NHSL1: variants seen among roughly 807,000 people sequenced by gnomAD.
NHSL1 encodes the protein NHS like 1.
In NHSL1, 48 loss-of-function variants were observed where a neutral mutation model predicts 95.0. The ratio of observed to expected loss-of-function variants is 0.51; its 90% confidence interval spans 0.40 to 0.64. The LOEUF (loss-of-function observed/expected upper bound fraction) is 0.64. Ranked by LOEUF, NHSL1 falls within the 30% of genes least tolerant of loss-of-function variation. NHSL1 has a pLI of 0.00. For synonymous variants in NHSL1, 783 were observed against 833.9 expected, an observed-to-expected ratio of 0.94 and a Z score of 1.05; for missense variants, 1,971 against 2,077.7, an observed-to-expected ratio of 0.95 and a Z score of 1.00.
At chr6:138,534,839 G>C (rs1782273340) in intron 1 of NHSL1, among the ~76,000 whole-genome samples, 1 of 152,124 alleles carries the variant, frequency 6.6e-6, no homozygotes, top group Admixed American at 6.6e-5. Context: ...ATACCTTCTT[G>C]GAGCATCAAA....
At chr6:138,573,948 C>A (rs535570035), upstream of NHSL1, among the ~76,000 whole-genome samples, 39 of 151,944 alleles carry the variant, frequency 2.6e-4, no homozygotes, top group African/African-American at 8.4e-4. Flanking sequence ...ATTTTATTTT[C>A]TTTTTTTTGA....
intron 1 of NHSL1, among the ~76,000 whole-genome samples, chr6:138,561,639 T>C (rs1035884230): frequency 7.2e-5 from 11 of 152,184 alleles, no homozygotes; most frequent in Non-Finnish European, 5.9e-5. Context: ...ATCAAGTGTA[T>C]GCAGCACTAG....
At position 138,432,885 on chromosome 6, in the gene NHSL1, G is replaced by C; in HGVS notation, c.1460C>G (p.Ser487Cys). 1.3e-6 allele frequency: 2 copies of C among 1,551,650 alleles called. No individual in the cohort carries two copies. The highest frequency in any genetic ancestry group is 8.7e-7 in the Non-Finnish European group (1 of 1,146,926). Residue 487 changes from serine (S) to cysteine (C), a missense_variant, in exon 6 of 8, where the codon TCC becomes TGC. Physicochemically the swap from Ser to Cys is moderately radical, Grantham distance 112. This residue lies in a region of NHSL1 where 1,602 missense variants were observed against 1,654.5 expected (regional missense o/e 0.97). Coordinates refer to ENST00000343505, the MANE Select transcript of NHSL1 (RefSeq NM_001144060.2). The surrounding 1 kb of genome is among the most constrained non-coding windows in gnomAD (Gnocchi z 4.4). ...TILSQDLDPH[S>C]PGEPALLSLC... ...GGACAACAGTGCGGGTTCACCAGGG[G>C]AATGAGGGTCTAAGTCCTGTGAAAG...
chr6:138,491,284 TG>T (rs1254471104), intron 2 of NHSL1, among the ~76,000 whole-genome samples: 3 of 152,216 alleles, frequency 2.0e-5, no homozygotes, highest in Non-Finnish European at 4.4e-5. Flanking sequence ...TTAAACATAC[TG>T]TGAGAAATTA....
chr6:138,540,047 C>T (rs1464576330), intron 1 of NHSL1, among the ~76,000 whole-genome samples: 1 of 152,158 alleles, frequency 6.6e-6, no homozygotes, highest in East Asian at 1.9e-4. Context: ...GCTTTCCCCA[C>T]CAGTTTGAAA....
chr6:138,503,060 C>T (rs536398822), upstream of NHSL1, among the ~76,000 whole-genome samples: 1 of 152,330 alleles, frequency 6.6e-6, no homozygotes, highest in South Asian at 2.1e-4. Flanking sequence ...TTTATATCCA[C>T]ATACTATCTT....
chr6:138,579,556 G>T (rs757083513), intron 1 of NHSL1, among the ~76,000 whole-genome samples: 3 of 152,164 alleles, frequency 2.0e-5, no homozygotes, highest in Non-Finnish European at 2.9e-5. Flanking sequence ...CATTTATTAG[G>T]ACATCTTCAC....
intron 2 of NHSL1, 31 bp from the exon 3 acceptor site, chr6:138,473,464 G>T: frequency 1.4e-6 from 2 of 1,383,706 alleles, no homozygotes; most frequent in South Asian, 1.8e-5. Context: ...AGGGGAAGGA[G>T]GCCATTAAAA....
At chr6:138,598,948 T>G (rs1784337054) in intron 1 of NHSL1, among the ~76,000 whole-genome samples, 1 of 152,204 alleles carries the variant, frequency 6.6e-6, no homozygotes. Context: ...AACATTAGAC[T>G]GCAAAAAGTG....
intron 3 of NHSL1, among the ~76,000 whole-genome samples, chr6:138,451,536 G>T (rs1263483180): frequency 6.6e-6 from 1 of 152,146 alleles, no homozygotes; most frequent in Non-Finnish European, 1.5e-5. Context: ...TGCATAGAAG[G>T]TTATTTCAGA....
intron 3 of NHSL1, among the ~76,000 whole-genome samples, chr6:138,463,187 T>C (rs1384833621): frequency 6.6e-6 from 1 of 152,162 alleles, no homozygotes; most frequent in Admixed American, 6.5e-5. Context: ...CAAGGGCCTA[T>C]TGTCTTGTCT....
chr6:138,471,579 C>T (rs965994610), intron 3 of NHSL1, among the ~76,000 whole-genome samples: 5 of 152,116 alleles, frequency 3.3e-5, no homozygotes, highest in East Asian at 1.9e-4. Context: ...ATAGGAAAAA[C>T]ATTCTGTGAT....
intron 2 of NHSL1, among the ~76,000 whole-genome samples, chr6:138,489,355 TG>T (rs1779895848): frequency 6.6e-6 from 1 of 152,122 alleles, no homozygotes; most frequent in Admixed American, 6.6e-5. Context: ...AAGATCAAAA[TG>T]TTGAAGAAAC....
chr6:138,558,120 T>A (rs1783262486), intron 1 of NHSL1, among the ~76,000 whole-genome samples: 1 of 152,040 alleles, frequency 6.6e-6, no homozygotes, highest in African/African-American at 2.4e-5. Flanking sequence ...TTACCAGGGT[T>A]TTTTGGGGGG....
At chr6:138,457,646 G>A (rs916896267) in intron 3 of NHSL1, among the ~76,000 whole-genome samples, 29 of 152,166 alleles carry the variant, frequency 1.9e-4, no homozygotes, top group Admixed American at 5.2e-4. Context: ...TATAGTCACT[G>A]CTCTTTGTAA....
chr6:138,640,290 G>T (rs574297860), intron 1 of NHSL1, among the ~76,000 whole-genome samples: 8 of 152,046 alleles, frequency 5.3e-5, no homozygotes, highest in Admixed American at 2.6e-4. Context: ...TGAGTTTTAG[G>T]CTAGGGCAAA....
rs977763816 is a variant in NHSL1 at position 138,692,004 on chromosome 6, A to G, written c.96+472T>C. On this transcript the variant is annotated intron_variant, in intron 1 of 3. Coordinates refer to the NHSL1 transcript ENST00000491526. The surrounding 1 kb of genome is among the most constrained non-coding windows in gnomAD (Gnocchi z 4.0). ...GGAAGAGAGGTGGCAAGCAGCCCCA[A>G]CGCTCGCCGAGATCCCCAGGGTTTT... 10 of 456,582 alleles carry G rather than the reference A, an allele frequency of 2.2e-5. No homozygotes were observed. Among genetic ancestry groups the G allele is most frequent in the African/African-American group, 2.0e-4 (10 of 50,070 alleles). The allele number at this position is 456,582 out of a possible 1,614,324, so 28.3% of individuals were successfully genotyped here. A position where few individuals can be genotyped will look rare whatever the true frequency, so the allele number is the denominator to read the frequency against.
intron 1 of NHSL1, among the ~76,000 whole-genome samples, chr6:138,588,959 C>G (rs1282670893): frequency 1.3e-5 from 2 of 152,148 alleles, no homozygotes; most frequent in Non-Finnish European, 2.9e-5. Context: ...ACCCTCAGAA[C>G]ACGACATGCA....
intron 1 of NHSL1, among the ~76,000 whole-genome samples, chr6:138,623,539 T>C (rs1010615216): frequency 6.6e-6 from 1 of 152,074 alleles, no homozygotes; most frequent in Non-Finnish European, 1.5e-5. Context: ...TATTTAAAGG[T>C]CTACTCTCTC....
Sources: gnomAD v4.1 joint callset for allele counts (sites outside exome capture counted in the v4.1 genomes callset) on GRCh38, gnomAD v4.1.1 for gene constraint, gnomAD v4.1.1 regional missense constraint, Gnocchi (gnomAD v3.1) non-coding constraint, MANE v1.5 for transcripts, NCBI Gene and HGNC (gene_info 2026-07-23, HGNC 2026-07-21) for gene names.